The following GLIS3 variants were observed in gnomAD, a reference collection of about 807,000 sequenced individuals.
GLIS3 encodes the protein zinc finger protein GLIS3.
GLIS3 carries 53 observed loss-of-function variants against 78.6 expected under a neutral mutation model. That is an observed-to-expected ratio of 0.67 (90% CI 0.54 to 0.85). The LOEUF (loss-of-function observed/expected upper bound fraction) is 0.85. Among genes scored for constraint, GLIS3 ranks in the 40% least tolerant of loss-of-function variants. GLIS3 has a pLI of 0.00. For missense variants in GLIS3, 1,703 were observed against 1,231.1 expected (o/e 1.38, Z -5.74); for synonymous variants, 684 against 509.9 (o/e 1.34, Z -4.60).
the GLIS3 span, among the ~76,000 whole-genome samples, chr9:4,461,470 T>A: frequency 6.6e-6 from 1 of 152,162 alleles, no homozygotes; most frequent in Non-Finnish European, 1.5e-5. Flanking sequence ...TGGGATAGAT[T>A]TCTCACATTC....
intron 4 of GLIS3, among the ~76,000 whole-genome samples, chr9:3,998,830 T>G (rs1345661917): frequency 6.7e-6 from 1 of 149,862 alleles, no homozygotes; most frequent in Non-Finnish European, 1.5e-5. Flanking sequence ...GGTTCAAAAG[T>G]CGAAACTATT....
chr9:4,091,827 G>A (rs1018491358), intron 4 of GLIS3, among the ~76,000 whole-genome samples: 93 of 152,186 alleles, frequency 6.1e-4, no homozygotes, highest in African/African-American at 2.2e-3. Context: ...AGCAGCGTGA[G>A]AAACAGAATA....
At chr9:4,186,656 A>C (rs539006630) in intron 2 of GLIS3, among the ~76,000 whole-genome samples, 4 of 151,068 alleles carry the variant, frequency 2.6e-5, no homozygotes, top group Admixed American at 6.6e-5. Flanking sequence ...CCTCTCCAGC[A>C]CCTGTTGTTT....
At chr9:4,070,329 A>T (rs1827481464) in intron 4 of GLIS3, among the ~76,000 whole-genome samples, 1 of 152,142 alleles carries the variant, frequency 6.6e-6, no homozygotes, top group South Asian at 2.1e-4. Context: ...ACCAGGGAAA[A>T]CTAGTAAGCA....
chr9:4,416,263 A>ATT, the GLIS3 span, among the ~76,000 whole-genome samples: 2 of 147,808 alleles, frequency 1.4e-5, no homozygotes, highest in Admixed American at 1.3e-4. Flanking sequence ...AAAAAAAAAA[A>ATT]AAAAAAAAAA....
At position 3,933,363 on chromosome 9, in the gene GLIS3, G is replaced by A. The variant is rs892342647; in HGVS notation, c.1873-893C>T. ...GCACTTTTTAATTTTTGTATCCTTCGTGCTTAGTACATAATAGAAATGAAT... is the reference window on the plus strand; with the variant it reads ...GCACTTTTTAATTTTTGTATCCTTCATGCTTAGTACATAATAGAAATGAAT... On this transcript the variant is annotated intron_variant, in intron 5 of 10. Coordinates refer to ENST00000381971, the MANE Select transcript of GLIS3 (RefSeq NM_001042413.2). Among the ~76,000 whole-genome samples the A allele has an allele frequency of 3.3e-5, 5 of 152,124 alleles. No homozygotes were observed. The East Asian group carries it at 9.7e-4, about 29-fold the overall frequency.
intron 4 of GLIS3, among the ~76,000 whole-genome samples, chr9:3,938,292 C>T (rs1014069576): frequency 6.6e-6 from 1 of 152,198 alleles, no homozygotes; most frequent in Admixed American, 6.5e-5. Flanking sequence ...AGAAGCCTCA[C>T]TTCTTATAGA....
chr9:4,236,429 T>A (rs950914558), intron 2 of GLIS3, among the ~76,000 whole-genome samples: 1 of 152,182 alleles, frequency 6.6e-6, no homozygotes, highest in Non-Finnish European at 1.5e-5. Flanking sequence ...AGTATTTCCC[T>A]TTTCCTCCCT....
intron 4 of GLIS3, among the ~76,000 whole-genome samples, chr9:4,057,623 C>A (rs940397187): frequency 6.6e-6 from 1 of 150,850 alleles, no homozygotes; most frequent in Non-Finnish European, 1.5e-5. Flanking sequence ...CAGTTTACTC[C>A]TCTTCAAATG....
chr9:4,187,314 T>C (rs143437670), intron 2 of GLIS3, among the ~76,000 whole-genome samples: 1 of 152,076 alleles, frequency 6.6e-6, no homozygotes, highest in African/African-American at 2.4e-5. Context: ...GTAGATATGC[T>C]GCGTTATTTC....
intron 4 of GLIS3, among the ~76,000 whole-genome samples, chr9:4,091,083 G>T (rs1401816428): frequency 6.6e-6 from 1 of 152,184 alleles, no homozygotes; most frequent in Non-Finnish European, 1.5e-5. Context: ...GGCTGGGCAT[G>T]GTGGCTCATG....
chr9:4,417,090 G>C, the GLIS3 span, among the ~76,000 whole-genome samples: 2 of 152,220 alleles, frequency 1.3e-5, no homozygotes, highest in Admixed American at 1.3e-4. Context: ...ACTGGAGACA[G>C]GCTACACAAT....
chr9:4,469,311 AC>A, the GLIS3 span, among the ~76,000 whole-genome samples: 2 of 152,114 alleles, frequency 1.3e-5, no homozygotes, highest in Non-Finnish European at 2.9e-5. Context: ...AGAACCCTCC[AC>A]CCCAAATCAA....
intron 6 of GLIS3, among the ~76,000 whole-genome samples, chr9:3,912,952 C>A (rs1334629728): frequency 1.3e-5 from 2 of 152,190 alleles, no homozygotes; most frequent in Non-Finnish European, 2.9e-5. Flanking sequence ...AATGTGACCA[C>A]ACACATTCCA....
intron 2 of GLIS3, among the ~76,000 whole-genome samples, chr9:4,255,694 GC>G (rs1487623775): frequency 2.6e-5 from 4 of 152,122 alleles, no homozygotes; most frequent in African/African-American, 9.7e-5. Context: ...ATCAGTGGTT[GC>G]CAAGAGCTAG....
At chr9:3,976,867 GTGGAAAAAAAAAAAAGCTTC>G (rs1818848521) in intron 4 of GLIS3, among the ~76,000 whole-genome samples, 1 of 94,474 alleles carries the variant, frequency 1.1e-5, no homozygotes, top group Non-Finnish European at 2.1e-5. Context: ...GACATCTTTG[GTGGAAAAAAAAAAAAGCTTC>G]TGACAAGACA....
chr9:4,060,740 G>C (rs149813211), intron 4 of GLIS3, among the ~76,000 whole-genome samples: 3 of 152,324 alleles, frequency 2.0e-5, no homozygotes, highest in African/African-American at 7.2e-5. Flanking sequence ...ACAACTGTAA[G>C]ATAGAAGTTC....
chr9:4,383,376 T>G, the GLIS3 span, among the ~76,000 whole-genome samples: 1 of 152,244 alleles, frequency 6.6e-6, no homozygotes, highest in African/African-American at 2.4e-5. Flanking sequence ...ATCTACTATT[T>G]TCTTATTATT....
chr9:4,191,839 G>C (rs933512314), intron 2 of GLIS3, among the ~76,000 whole-genome samples: 2 of 151,808 alleles, frequency 1.3e-5, no homozygotes, highest in African/African-American at 4.8e-5. Context: ...AAATACTGAT[G>C]AATCAGAAAG....
Sources: allele counts gnomAD v4.1 joint callset (sites outside exome capture counted in the v4.1 genomes callset), GRCh38; gene constraint gnomAD v4.1.1; transcripts MANE v1.5; gene names NCBI Gene and HGNC (gene_info 2026-07-23, HGNC 2026-07-21).